PEX5L: variants seen among roughly 807,000 people sequenced by gnomAD.
PEX5L encodes peroxisomal biogenesis factor 5 like, also known as PEX5-related protein.
In PEX5L, 30 loss-of-function variants were observed where a neutral mutation model predicts 84.0. The ratio of observed to expected loss-of-function variants is 0.36; its 90% CI spans 0.27 to 0.48. PEX5L has a LOEUF of 0.48. Ranked by LOEUF, PEX5L falls within the 20% of genes least tolerant of loss-of-function variation. The pLI, the probability that PEX5L is intolerant of heterozygous loss-of-function variation, is 0.99. For synonymous variants in PEX5L, 270 were observed against 283.1 expected (o/e 0.95, Z 0.46); for missense variants, 533 against 754.6 (o/e 0.71, Z 3.44).
intron 2 of PEX5L, among the ~76,000 whole-genome samples, chr3:179,944,520 C>T (rs1578780819): frequency 6.6e-6 from 1 of 152,214 alleles, no homozygotes; most frequent in African/African-American, 2.4e-5. Context: ...CTAACATGGC[C>T]TGGCAGAGAC....
intron 7 of PEX5L, among the ~76,000 whole-genome samples, chr3:179,866,625 G>A (rs188195600): frequency 2.0e-5 from 3 of 152,234 alleles, no homozygotes; most frequent in African/African-American, 7.2e-5. Context: ...TTAGTGGTTG[G>A]CAGAGACTAG....
rs762547941 is a variant in PEX5L, at chr3:180,036,627, G to A, written c.-28C>T. ...TGCTTCGGTTTCTTCAGGGCTCCCTGAGGCCACCGGATGCTTTTCCCCCGT... is the reference window on the plus strand; with the variant it reads ...TGCTTCGGTTTCTTCAGGGCTCCCTAAGGCCACCGGATGCTTTTCCCCCGT... On this transcript the variant is annotated 5_prime_UTR_variant, in exon 1 of 15. Transcript: ENST00000467460. 5.1e-5 allele frequency: 83 copies of A among 1,613,654 alleles called. No homozygotes were observed. Among genetic ancestry groups the A allele is most frequent in the Non-Finnish European group, 7.0e-5 (82 of 1,179,668 alleles).
chr3:179,979,225 A>G (rs1786084026), intron 1 of PEX5L, among the ~76,000 whole-genome samples: 1 of 145,026 alleles, frequency 6.9e-6, no homozygotes, highest in African/African-American at 2.5e-5. Context: ...ATCCTCTTTC[A>G]CCCTCAAAAC....
intron 2 of PEX5L, among the ~76,000 whole-genome samples, chr3:179,916,214 C>T (rs986159982): frequency 1.3e-5 from 2 of 152,106 alleles, no homozygotes; most frequent in Admixed American, 6.6e-5. Context: ...ATTTGATTGT[C>T]GTGTGGACAC....
At chr3:179,842,983 A>G (rs1417143551) in intron 8 of PEX5L, among the ~76,000 whole-genome samples, 1 of 152,112 alleles carries the variant, frequency 6.6e-6, no homozygotes, top group Non-Finnish European at 1.5e-5. Flanking sequence ...AAATTCAATC[A>G]TACTAGATGT....
chr3:179,871,670 G>A (rs1021427128), intron 7 of PEX5L, among the ~76,000 whole-genome samples: 6 of 152,110 alleles, frequency 3.9e-5, no homozygotes, highest in African/African-American at 1.2e-4. Context: ...TGTTCAAATC[G>A]TGTTCAAATA....
intron 1 of PEX5L, among the ~76,000 whole-genome samples, chr3:180,014,430 C>T (rs546161382): frequency 7.2e-5 from 11 of 151,946 alleles, no homozygotes; most frequent in African/African-American, 1.9e-4. Context: ...CAAGATCGCG[C>T]CACTGCACTC....
intron 1 of PEX5L, among the ~76,000 whole-genome samples, chr3:180,016,079 A>G (rs1056957480): frequency 2.6e-5 from 4 of 151,266 alleles, no homozygotes; most frequent in African/African-American, 9.8e-5. Flanking sequence ...CTTTTCCACA[A>G]AGAGAAGTAA....
chr3:179,869,901 C>G (rs545203557), intron 7 of PEX5L, among the ~76,000 whole-genome samples: 68 of 152,286 alleles, frequency 4.5e-4, no homozygotes, highest in African/African-American at 1.6e-3. Context: ...TATAAATCAA[C>G]TTCTTACATA....
At chr3:179,804,657 C>T (rs549025444) in intron 14 of PEX5L, among the ~76,000 whole-genome samples, 1 of 152,270 alleles carries the variant, frequency 6.6e-6, no homozygotes, top group African/African-American at 2.4e-5. Context: ...CTACATACAC[C>T]GACACCTGCA....
At chr3:179,956,806 CGGGATATGAAAAGATGA>C (rs1780681903) in intron 2 of PEX5L, among the ~76,000 whole-genome samples, 1 of 152,106 alleles carries the variant, frequency 6.6e-6, no homozygotes, top group Non-Finnish European at 1.5e-5. Context: ...ACGGTGCATC[CGGGATATGAAAAGATGA>C]CACTGCAAAT....
At chr3:179,882,025 T>C (rs925987068) in intron 4 of PEX5L, among the ~76,000 whole-genome samples, 1 of 152,232 alleles carries the variant, frequency 6.6e-6, no homozygotes, top group African/African-American at 2.4e-5. Context: ...ACATTTTATA[T>C]CCACTGAATG....
chr3:179,840,257 T>C (rs1217289113), intron 8 of PEX5L, among the ~76,000 whole-genome samples: 1 of 148,460 alleles, frequency 6.7e-6, no homozygotes, highest in Non-Finnish European at 1.5e-5. Context: ...GGCATGATCT[T>C]GGTGCACCGC....
chr3:179,955,829 T>C (rs1446914980), intron 2 of PEX5L, among the ~76,000 whole-genome samples: 1 of 152,150 alleles, frequency 6.6e-6, no homozygotes, highest in African/African-American at 2.4e-5. Flanking sequence ...CCAATGTAAT[T>C]AATTTGATGA....
In PEX5L at chr3:179,801,909, CAG is replaced by C. The variant is rs774302756; in HGVS notation, c.1798_1799del (p.Leu600AspfsTer11). The C allele has an allele frequency of 6.2e-7, 1 of 1,614,062 alleles. No individual in the cohort carries two copies. Among genetic ancestry groups the C allele is most frequent in the Non-Finnish European group, 8.5e-7 (1 of 1,179,944 alleles). On this transcript the variant is annotated frameshift_variant, in exon 15 of 15. Transcript: ENST00000467460. LOFTEE classifies it high-confidence loss of function. The part of the protein sequence containing the change: ...IWAALRIALS[L>X]MDQPELFQAA... ...CCTGGAAGAGTTCTGGTTGGTCCATCAGAGAGAGCGCAATTCTGAGGGCAGCC... is the reference window on the plus strand; with the variant it reads ...CCTGGAAGAGTTCTGGTTGGTCCATCAGAGAGCGCAATTCTGAGGGCAGCC...
rs1718728470 is a variant in PEX5L, at chr3:179,801,080, ATTGT to A, written c.*744_*747del. On this transcript the variant is annotated 3_prime_UTR_variant, in exon 15 of 15. Coordinates refer to ENST00000467460, the MANE Select transcript of PEX5L (RefSeq NM_016559.3). ...ACACTATGAAAAACTGTCTTCAGGA[ATTGT>A]TTATTTGGTCCGTTGATCTAGTGAG... 6.6e-6 allele frequency: 1 copy of A among 152,640 alleles called. No homozygotes were observed. The highest frequency in any genetic ancestry group is 2.4e-5 in the African/African-American group (1 of 41,450). 9.5% of individuals were successfully genotyped at this position (152,640 alleles called of 1,614,324 possible).
At chr3:179,832,538 A>G (rs1179930671) in intron 8 of PEX5L, among the ~76,000 whole-genome samples, 3 of 145,292 alleles carry the variant, frequency 2.1e-5, no homozygotes, top group Non-Finnish European at 4.5e-5. Context: ...CAACCTTCCT[A>G]TTTACTTACA....
chr3:179,802,417 C>T (rs1387525943), intron 14 of PEX5L, among the ~76,000 whole-genome samples: 2 of 151,274 alleles, frequency 1.3e-5, no homozygotes, highest in Admixed American at 6.6e-5. Context: ...CCCCTGTAAT[C>T]CCAGCTACTA....
At chr3:180,004,463 G>GA in intron 1 of PEX5L, among the ~76,000 whole-genome samples, 1 of 152,232 alleles carries the variant, frequency 6.6e-6, no homozygotes, top group East Asian at 1.9e-4. Context: ...ACAAAGTACT[G>GA]AAAAAATGTC....
Sources: gnomAD v4.1 joint callset for allele counts (sites outside exome capture counted in the v4.1 genomes callset) on GRCh38, gnomAD v4.1.1 for gene constraint, MANE v1.5 for transcripts, NCBI Gene and HGNC (gene_info 2026-07-23, HGNC 2026-07-21) for gene names.